Variants in ROR1 observed in about 807,000 individuals in gnomAD.
ROR1 encodes ROR family WNT receptor 1.
A neutral mutation model predicts 78.8 loss-of-function variants in ROR1; 19 were observed. The ratio of observed to expected loss-of-function variants is 0.24; its 90% CI spans 0.17 to 0.35. ROR1 has a LOEUF of 0.35. ROR1 is among the 10% of genes least tolerant of loss of function. The probability of loss-of-function intolerance (pLI) is 1.00; values close to 1 mark genes in which losing one functional copy is unlikely to be tolerated. For missense variants in ROR1, 917 were observed against 1,177.8 expected (o/e 0.78, Z 3.24); for synonymous variants, 386 against 433.6 (o/e 0.89, Z 1.36).
chr1:64,015,392 T>C (rs1175902671), intron 2 of ROR1, among the ~76,000 whole-genome samples: 2 of 152,306 alleles, frequency 1.3e-5, no homozygotes, highest in East Asian at 3.9e-4. Flanking sequence ...AACATACAGA[T>C]ACATCTTAGA....
intron 1 of ROR1, among the ~76,000 whole-genome samples, chr1:63,855,718 G>A (rs1051930142): frequency 6.7e-6 from 1 of 150,308 alleles, no homozygotes; most frequent in African/African-American, 2.5e-5. Flanking sequence ...GTATGATCTC[G>A]GCTCACTGCA....
intron 1 of ROR1, among the ~76,000 whole-genome samples, chr1:63,991,300 T>C (rs1646294459): frequency 6.6e-6 from 1 of 152,178 alleles, no homozygotes; most frequent in Admixed American, 6.6e-5. Context: ...ATGATGGACA[T>C]ACATGAGCTT....
At chr1:64,121,799 A>G (rs1311856281) in intron 4 of ROR1, among the ~76,000 whole-genome samples, 3 of 152,198 alleles carry the variant, frequency 2.0e-5, no homozygotes, top group South Asian at 4.1e-4. Context: ...AGCACTCAGT[A>G]TCTGCAGAAT....
intron 1 of ROR1, among the ~76,000 whole-genome samples, chr1:63,926,559 G>T (rs1341695328): frequency 7.2e-6 from 1 of 138,910 alleles, no homozygotes; most frequent in Non-Finnish European, 1.6e-5. Context: ...GGCATTGGTA[G>T]CTTGATGGGG....
chr1:63,818,793 T>G (rs1009980620), intron 1 of ROR1, among the ~76,000 whole-genome samples: 5 of 152,242 alleles, frequency 3.3e-5, no homozygotes, highest in African/African-American at 4.8e-5. Flanking sequence ...TGATGCTGAC[T>G]GCTTAGTAAC....
intron 1 of ROR1, among the ~76,000 whole-genome samples, chr1:63,785,165 A>G (rs1330586674): frequency 6.6e-6 from 1 of 152,168 alleles, no homozygotes; most frequent in East Asian, 1.9e-4. Flanking sequence ...AACTTATTCT[A>G]CTTTTTCTCC....
chr1:64,029,846 C>A (rs918709779), intron 2 of ROR1, among the ~76,000 whole-genome samples: 1 of 152,190 alleles, frequency 6.6e-6, no homozygotes, highest in African/African-American at 2.4e-5. Flanking sequence ...TTGTACCTTT[C>A]TTAAAACATC....
At chr1:64,030,589 T>A (rs750064076) in intron 2 of ROR1, among the ~76,000 whole-genome samples, 2 of 152,170 alleles carry the variant, frequency 1.3e-5, no homozygotes, top group Non-Finnish European at 2.9e-5. Flanking sequence ...TCCCTTTCTC[T>A]AGAGGAATTG....
At chr1:63,806,936 C>T (rs1644833569) in intron 1 of ROR1, among the ~76,000 whole-genome samples, 1 of 152,012 alleles carries the variant, frequency 6.6e-6, no homozygotes, top group East Asian at 1.9e-4. Flanking sequence ...TTTTTGAGGG[C>T]CTGTCATTTT....
chr1:64,048,081 A>G (rs994960425), intron 2 of ROR1, among the ~76,000 whole-genome samples: 1 of 152,252 alleles, frequency 6.6e-6, no homozygotes, highest in Non-Finnish European at 1.5e-5. Context: ...TATTTTTAGC[A>G]TTTATGAACT....
chr1:63,896,169 C>T (rs1272552332), intron 1 of ROR1, among the ~76,000 whole-genome samples: 2 of 152,124 alleles, frequency 1.3e-5, no homozygotes, highest in African/African-American at 4.8e-5. Flanking sequence ...CATATTTATT[C>T]AATGACTTCT....
intron 4 of ROR1, among the ~76,000 whole-genome samples, chr1:64,116,119 T>G (rs1321820879): frequency 6.6e-6 from 1 of 152,222 alleles, no homozygotes; most frequent in Non-Finnish European, 1.5e-5. Flanking sequence ...TCTCGTGAAC[T>G]CTTGGTCACT....
chr1:63,904,181 G>A (rs72683072), intron 1 of ROR1, among the ~76,000 whole-genome samples: 9 of 152,310 alleles, frequency 5.9e-5, no homozygotes, highest in Non-Finnish European at 1.2e-4. Flanking sequence ...GATACAGGAA[G>A]TGAAATCTGA....
At chr1:63,944,501 A>G (rs558357614) in intron 1 of ROR1, among the ~76,000 whole-genome samples, 5 of 152,198 alleles carry the variant, frequency 3.3e-5, no homozygotes, top group Non-Finnish European at 7.3e-5. Context: ...GGAGACAGGC[A>G]AACTAGTATC....
Position 64,053,198 on chromosome 1 carries a change from A to G in ROR1, c.482+2482A>G, listed in dbSNP as rs182453890. On this transcript the variant is annotated intron_variant, in intron 4 of 8. Coordinates refer to ENST00000371079, the MANE Select transcript of ROR1 (RefSeq NM_005012.4). ...GAGTTACTGCAAAAGAAATAAAAGG[A>G]GCATCTATGACCCAACTCTAACATT... Among the ~76,000 whole-genome samples the G allele has an allele frequency of 1.6e-4, 24 of 152,352 alleles. No individual in the cohort carries two copies. In the East Asian group the frequency reaches 4.6e-3, roughly 29 times the overall value.
At chr1:63,860,116 G>A (rs1487707553) in intron 1 of ROR1, among the ~76,000 whole-genome samples, 3 of 152,126 alleles carry the variant, frequency 2.0e-5, no homozygotes, top group Non-Finnish European at 4.4e-5. Flanking sequence ...GACATGTTAC[G>A]ATTCCTGGCA....
intron 1 of ROR1, among the ~76,000 whole-genome samples, chr1:63,818,764 G>C (rs1166828739): frequency 2.6e-5 from 4 of 152,156 alleles, no homozygotes; most frequent in African/African-American, 9.7e-5. Context: ...TATTATTACT[G>C]TCTTCTATGC....
At chr1:63,814,451 G>C (rs1359010377) in intron 1 of ROR1, among the ~76,000 whole-genome samples, 2 of 152,030 alleles carry the variant, frequency 1.3e-5, no homozygotes, top group Admixed American at 6.6e-5. Flanking sequence ...GTGGTTTGGA[G>C]ATGATTCAAG....
chr1:64,085,835 C>G (rs1477381738), intron 4 of ROR1, among the ~76,000 whole-genome samples: 1 of 152,010 alleles, frequency 6.6e-6, no homozygotes, highest in African/African-American at 2.4e-5. Context: ...GCCTGCTTGG[C>G]CATATAAAAC....
Sources: gnomAD v4.1 joint callset for allele counts (sites outside exome capture counted in the v4.1 genomes callset) on GRCh38, gnomAD v4.1.1 for gene constraint, MANE v1.5 for transcripts, NCBI Gene and HGNC (gene_info 2026-07-23, HGNC 2026-07-21) for gene names.